IWS1: variants seen among roughly 807,000 people sequenced by gnomAD.
The protein encoded by IWS1 is protein IWS1 homolog.
Under a neutral mutation model 86.7 loss-of-function variants are expected in IWS1, and 27 were observed. The ratio of observed to expected loss-of-function variants is 0.31; its 90% confidence interval spans 0.23 to 0.43. The LOEUF is 0.43. Ranked by LOEUF, IWS1 falls within the 20% of genes least tolerant of loss-of-function variation. IWS1 has a pLI of 1.00. For missense variants in IWS1, 827 were observed against 1,000.8 expected, an observed-to-expected ratio of 0.83 and a Z score of 2.34; for synonymous variants, 313 against 335.1, an observed-to-expected ratio of 0.93 and a Z score of 0.72.
rs1689985955 is a variant in IWS1, at chr2:127,487,434, G to A, written c.2217-770C>T. ...AGTAAAGCCTATCTATGGATGCCTG[G>A]GCATTCAAACCATTCAGCATTTAGG... On this transcript the variant is annotated intron_variant, in intron 12 of 13. Coordinates refer to ENST00000295321, the MANE Select transcript of IWS1 (RefSeq NM_017969.3). Among the ~76,000 whole-genome samples the A allele has an allele frequency of 1.3e-5, 2 of 152,170 alleles. 1 individual carries two copies. The highest frequency in any genetic ancestry group is 4.1e-4 in the South Asian group (2 of 4,824).
chr2:127,496,117 A>G lies in IWS1; in HGVS notation c.1597T>C (p.Leu533=). The stretch of plus-strand genomic sequence containing the variant: ...CCACTCATGCTCTTTTTTCGCTGCA[A>G]CATCATCTCAAAATCTGACAGAAAG... ...MDFLSDFEMM[L]QRKKSMSGKR... The change falls in exon 7 of 14, where the codon TTG becomes CTG. Residue 533 remains leucine, a synonymous_variant. Coordinates refer to ENST00000295321, the MANE Select transcript of IWS1 (RefSeq NM_017969.3). 5.0e-6 allele frequency: 8 copies of G among 1,613,808 alleles called. No individual in the cohort carries two copies. The highest frequency in any genetic ancestry group is 6.8e-6 in the Non-Finnish European group (8 of 1,179,898).
intron 9 of IWS1, 127 bp downstream of exon 9, chr2:127,493,154 T>A (rs1011190002): frequency 3.6e-6 from 3 of 839,610 alleles, no homozygotes; most frequent in Non-Finnish European, 5.2e-6. Context: ...TGTTCCTTTT[T>A]TCCAACCCCT....
At chr2:127,481,218 G>A (rs144079075) in intron 13 of IWS1, 43 bp from the exon 14 acceptor site, 117 of 1,553,248 alleles carry the variant, frequency 7.5e-5, no homozygotes, top group African/African-American at 5.0e-4. Context: ...ACTGAAATAC[G>A]TAAGTCTAGT....
At chr2:127,491,311 T>G (rs1431886461) in intron 10 of IWS1, among the ~76,000 whole-genome samples, 3 of 152,190 alleles carry the variant, frequency 2.0e-5, no homozygotes, top group Non-Finnish European at 2.9e-5. Flanking sequence ...AATCACTAGC[T>G]AAGGAAATGC....
chr2:127,482,905 T>TA (rs1193353418), intron 13 of IWS1: 1 of 152,086 alleles, frequency 6.6e-6, no homozygotes. Context: ...CAGCTTCAAT[T>TA]ATGGTACAAC....
At position 127,504,128 on chromosome 2, in the gene IWS1, A is replaced by C. The variant is rs187358063; in HGVS notation, c.1220-552T>G. On this transcript the variant is annotated intron_variant, in intron 3 of 13. Transcript: ENST00000295321. ...TTTCCAAAAAAGATAAGTTTCATAA[A>C]AAAGTAGACAAGTAATACTATCTGT... Among the ~76,000 whole-genome samples, 34 of 152,388 alleles carry C rather than the reference A, an allele frequency of 2.2e-4. No individual in the cohort carries two copies. In the East Asian group the frequency reaches 6.5e-3, roughly 29 times the overall value.
chr2:127,507,086 C>T (rs988241222), intron 2 of IWS1, among the ~76,000 whole-genome samples: 1 of 152,152 alleles, frequency 6.6e-6, no homozygotes, highest in South Asian at 2.1e-4. Context: ...GAACCTACCA[C>T]AGACCAATTT....
intron 6 of IWS1, among the ~76,000 whole-genome samples, chr2:127,497,272 T>C (rs1423721631): frequency 1.3e-5 from 2 of 152,190 alleles, no homozygotes; most frequent in Non-Finnish European, 2.9e-5. Flanking sequence ...CATCTATCAG[T>C]TTGAGAAAGT....
chr2:127,522,756 A>T (rs985013867), intron 2 of IWS1, among the ~76,000 whole-genome samples: 1 of 152,246 alleles, frequency 6.6e-6, no homozygotes, highest in Non-Finnish European at 1.5e-5. Flanking sequence ...ACTTACGGCG[A>T]ACTTATTGAA....
In IWS1 at chr2:127,480,993, A is replaced by G; in HGVS notation, c.*51T>C. 6.4e-7 allele frequency: 1 copy of G among 1,553,700 alleles called. No homozygotes were observed. The highest frequency in any genetic ancestry group is 8.7e-7 in the Non-Finnish European group (1 of 1,152,246). On this transcript the variant is annotated 3_prime_UTR_variant, in exon 14 of 14. Transcript: ENST00000295321. ...TTTAAAATATCTTCTTTCTCCAAAG[A>G]GTCCATTGCGCATTTCTTAGAGTAG...
At chr2:127,522,583 A>G (rs928744040) in intron 2 of IWS1, among the ~76,000 whole-genome samples, 3 of 152,264 alleles carry the variant, frequency 2.0e-5, no homozygotes, top group African/African-American at 7.2e-5. Context: ...ATGATATGCT[A>G]ATGTTGCTGT....
At position 127,503,452 on chromosome 2, in the gene IWS1, C is replaced by T; in HGVS notation, c.1344G>A (p.Leu448=). The T allele has an allele frequency of 6.2e-7, 1 of 1,613,400 alleles. No homozygotes were observed. The highest frequency in any genetic ancestry group is 1.7e-5 in the Admixed American group (1 of 59,990). ...SDSEEEAGKE[L]SDKKNEEKDL... is the part of the protein sequence containing the mutation. ...CCTTCTCTTCATTTTTCTTATCAGA[C>T]AATTCTTTCCCAGCTTCTTCCTCAC... The change falls in exon 4 of 14, where the codon TTG becomes TTA. Residue 448 remains leucine, a synonymous_variant. Coordinates refer to ENST00000295321, the MANE Select transcript of IWS1 (RefSeq NM_017969.3).
At chr2:127,519,996 G>C (rs1426464087) in intron 2 of IWS1, among the ~76,000 whole-genome samples, 1 of 152,104 alleles carries the variant, frequency 6.6e-6, no homozygotes, top group Non-Finnish European at 1.5e-5. Context: ...ACACAGCCCT[G>C]GGACACCTTG....
intron 5 of IWS1, among the ~76,000 whole-genome samples, chr2:127,501,406 G>A (rs2104692998): frequency 6.6e-6 from 1 of 152,184 alleles, no homozygotes; most frequent in Non-Finnish European, 1.5e-5. Flanking sequence ...TTACGATGTA[G>A]TTAGGTGTAG....
intron 2 of IWS1, among the ~76,000 whole-genome samples, chr2:127,516,964 T>C (rs1365204238): frequency 1.3e-5 from 2 of 152,096 alleles, no homozygotes; most frequent in African/African-American, 2.4e-5. Flanking sequence ...TTAGAAATAG[T>C]AGGAAAAGTG....
At chr2:127,519,929 G>A (rs1691994854) in intron 2 of IWS1, among the ~76,000 whole-genome samples, 1 of 152,176 alleles carries the variant, frequency 6.6e-6, no homozygotes, top group South Asian at 2.1e-4. Context: ...GCCAAGAAAT[G>A]CAGGTAGCCA....
chr2:127,520,924 TG>T (rs1692059177), intron 2 of IWS1, among the ~76,000 whole-genome samples: 1 of 152,148 alleles, frequency 6.6e-6, no homozygotes, highest in Non-Finnish European at 1.5e-5. Context: ...TTTAATGACG[TG>T]GGGAAACACT....
At chr2:127,525,700 T>G (rs945180161) in intron 1 of IWS1, among the ~76,000 whole-genome samples, 4 of 152,168 alleles carry the variant, frequency 2.6e-5, no homozygotes, top group East Asian at 1.9e-4. Flanking sequence ...AAACCACCAG[T>G]AAGTGCCAGA....
At chr2:127,503,778 ATCTTAC>A (rs1690950885) in intron 3 of IWS1, among the ~76,000 whole-genome samples, 1 of 152,170 alleles carries the variant, frequency 6.6e-6, no homozygotes, top group Non-Finnish European at 1.5e-5. Context: ...ATTCAGAGTC[ATCTTAC>A]AAATTATCTG....
Sources: allele counts gnomAD v4.1 joint callset (sites outside exome capture counted in the v4.1 genomes callset), GRCh38; gene constraint gnomAD v4.1.1; transcripts MANE v1.5; gene names NCBI Gene and HGNC (gene_info 2026-07-23, HGNC 2026-07-21).